NCAPG: variants seen among roughly 807,000 people sequenced by gnomAD.
NCAPG encodes condensin complex subunit 3.
NCAPG carries 69 observed loss-of-function variants against 113.1 expected under a neutral mutation model. The ratio of observed to expected loss-of-function variants is 0.61; its 90% CI spans 0.50 to 0.75. The LOEUF (loss-of-function observed/expected upper bound fraction) is 0.75, where lower values mean the gene tolerates loss of function less well. Among genes scored for constraint, NCAPG ranks in the 30% least tolerant of loss-of-function variants. The pLI, the probability that NCAPG is intolerant of heterozygous loss-of-function variation, is 0.00. For missense variants in NCAPG, 1,058 were observed against 1,177.0 expected, an observed-to-expected ratio of 0.90 and a Z score of 1.48; for synonymous variants, 370 against 415.8, an observed-to-expected ratio of 0.89 and a Z score of 1.34.
chr4:17,843,600 T>C lies in NCAPG; in HGVS notation c.*175T>C, dbSNP rs1722641276. 5.3e-6 allele frequency: 3 copies of C among 570,952 alleles called. No individual in the cohort carries two copies. Among genetic ancestry groups the C allele is most frequent in the East Asian group, 3.2e-5 (1 of 31,504 alleles). The allele number at this position is 570,952 out of a possible 1,614,324, so 35.4% of individuals were successfully genotyped here. On this transcript the variant is annotated 3_prime_UTR_variant, in exon 21 of 21. Coordinates refer to ENST00000251496, the MANE Select transcript of NCAPG (RefSeq NM_022346.5). ...AGCAGTAGAGCAGCATCAGTTATTATAGTCCAGAAAAAGTGTGCATCAGTC... is the reference window on the plus strand; with the variant it reads ...AGCAGTAGAGCAGCATCAGTTATTACAGTCCAGAAAAAGTGTGCATCAGTC...
chr4:17,828,448 T>A, intron 12 of NCAPG, 60 bp downstream of exon 12: 1 of 927,758 alleles, frequency 1.1e-6, no homozygotes, highest in Non-Finnish European at 1.7e-6. Context: ...TTGTAAGTGA[T>A]ATGTTCTTTA....
chr4:17,842,322 T>C lies in NCAPG; in HGVS notation c.2867T>C (p.Val956Ala). The C allele has an allele frequency of 6.2e-7, 1 of 1,611,946 alleles. No individual in the cohort carries two copies. Among genetic ancestry groups the C allele is most frequent in the Non-Finnish European group, 8.5e-7 (1 of 1,178,368 alleles). Reference sequence around the variant, plus strand: ...TACTATCTTCAAGGACAGAGAAAAGTGACAGTTTCAGCTAGGACGAACAGG... The same window carrying C: ...TACTATCTTCAAGGACAGAGAAAAGCGACAGTTTCAGCTAGGACGAACAGG... ...QLKTNRGQRK[V>A]TVSARTNRRC... is the part of the protein sequence containing the mutation. The change falls in exon 20 of 21, where the codon GTG (valine) becomes GCG (alanine). Residue 956 changes from valine to alanine, a missense_variant. Val to Ala is a moderately conservative substitution (Grantham distance 64). Transcript: ENST00000251496.
intron 16 of NCAPG, among the ~76,000 whole-genome samples, chr4:17,838,092 A>G (rs1722175998): frequency 6.6e-6 from 1 of 152,214 alleles, no homozygotes; most frequent in Non-Finnish European, 1.5e-5. Context: ...TATGTTATCT[A>G]GGACTCACAG....
intron 14 of NCAPG, among the ~76,000 whole-genome samples, chr4:17,835,583 T>C (rs749560389): frequency 1.2e-4 from 18 of 152,208 alleles, no homozygotes; most frequent in African/African-American, 1.9e-4. Context: ...ATTTAAAACA[T>C]TGTCATCATC....
At chr4:17,834,214 A>G (rs1721989818) in intron 13 of NCAPG, 85 bp from the exon 14 acceptor site, 1 of 885,330 alleles carries the variant, frequency 1.1e-6, no homozygotes, top group African/African-American at 1.7e-5. Flanking sequence ...CTAAGAAAAA[A>G]ACAAGATACA....
intron 14 of NCAPG, among the ~76,000 whole-genome samples, chr4:17,834,740 C>A (rs948349012): frequency 2.2e-4 from 34 of 152,268 alleles, no homozygotes; most frequent in African/African-American, 7.5e-4. Flanking sequence ...TCCCCTACCC[C>A]CCTATCCCCT....
chr4:17,814,391 C>T (rs1486697634), intron 3 of NCAPG, among the ~76,000 whole-genome samples: 1 of 152,016 alleles, frequency 6.6e-6, no homozygotes, highest in East Asian at 1.9e-4. Context: ...CATAGTGAGA[C>T]CTTGTCTCCA....
intron 5 of NCAPG, among the ~76,000 whole-genome samples, chr4:17,816,006 A>G (rs1427961089): frequency 6.6e-6 from 1 of 152,076 alleles, no homozygotes; most frequent in African/African-American, 2.4e-5. Flanking sequence ...TTTGGTATGA[A>G]TGTGTTCTGT....
At chr4:17,813,771 C>CT (rs1560221415) in intron 3 of NCAPG, among the ~76,000 whole-genome samples, 1 of 151,872 alleles carries the variant, frequency 6.6e-6, no homozygotes, top group Non-Finnish European at 1.5e-5. Context: ...TTTTTAATCT[C>CT]TTTTTTAAGG....
intron 12 of NCAPG, 78 bp from the exon 13 acceptor site, chr4:17,830,919 G>A: frequency 7.1e-7 from 1 of 1,411,094 alleles, no homozygotes; most frequent in Non-Finnish European, 9.7e-7. Context: ...AGTGAAAAAT[G>A]ACACCTTTGA....
At chr4:17,833,469 A>T (rs28619957) in intron 13 of NCAPG, among the ~76,000 whole-genome samples, 27,563 of 148,840 alleles carry the variant, frequency 0.19, 2,756 homozygotes, top group South Asian at 0.3. Flanking sequence ...AAAAAAAAAA[A>T]ATATATATAT....
chr4:17,813,521 C>A (rs576826793), intron 3 of NCAPG, among the ~76,000 whole-genome samples: 28 of 151,910 alleles, frequency 1.8e-4, no homozygotes, highest in Non-Finnish European at 3.5e-4. Context: ...CTATATAATA[C>A]CTGTTACTGT....
chr4:17,813,738 ATC>A (rs1721088218), intron 3 of NCAPG, among the ~76,000 whole-genome samples: 1 of 152,050 alleles, frequency 6.6e-6, no homozygotes, highest in Non-Finnish European at 1.5e-5. Context: ...AAAAATATAA[ATC>A]TCTGCCATTA....
Position 17,815,123 on chromosome 4 carries a change from G to A in NCAPG, c.690+125G>A, listed in dbSNP as rs1721150337. 15 of 1,310,426 alleles carry A rather than the reference G, an allele frequency of 1.1e-5. No homozygotes were observed. The South Asian group carries it at 2.0e-4, about 17-fold the overall frequency. The allele number at this position is 1,310,426 out of a possible 1,614,324, so 81.2% of individuals were successfully genotyped here. ...CAGTTGAGGTTTTATGGAGAACACA[G>A]GTAATTTAGGTAGAATCTTACTGTA... On this transcript the variant is annotated intron_variant, in intron 4 of 20. Coordinates refer to ENST00000251496, the MANE Select transcript of NCAPG (RefSeq NM_022346.5).
In NCAPG at chr4:17,817,391, T is replaced by G; in HGVS notation, c.906T>G (p.Asn302Lys). ...CTGAAGTGGCAGTCTCTGTTCTCAA[T>G]GCCTTGTTTTCAATAACTCCTCTCA... ...NSSEVAVSVL[N>K]ALFSITPLSE... The change falls in exon 6 of 21, where the codon AAT becomes AAG. Residue 302 changes from asparagine (N) to lysine (K), a missense_variant. By Grantham distance (94) the Asn-to-Lys change is moderately conservative. Transcript: ENST00000251496. 1 of 1,614,158 alleles carries G rather than the reference T, an allele frequency of 6.2e-7. No individual in the cohort carries two copies. Among genetic ancestry groups the G allele is most frequent in the South Asian group, 1.1e-5 (1 of 91,086 alleles).
At chr4:17,839,565 T>C in intron 16 of NCAPG, 111 bp from the exon 17 acceptor site, 2 of 771,614 alleles carry the variant, frequency 2.6e-6, no homozygotes, top group South Asian at 7.7e-5. Context: ...AGACATTTTA[T>C]ATTTGGGATT....
chr4:17,830,553 CT>C lies in NCAPG; in HGVS notation c.1765-428del, dbSNP rs770223582. ...GTTAAATATATTAAGACTAGTTTCA[CT>C]TTTTTTTTTTTTTTTACTTCAATGT... On this transcript the variant is annotated intron_variant, in intron 12 of 20. Transcript: ENST00000251496. Among the ~76,000 whole-genome samples, 723 of 137,160 alleles carry C rather than the reference CT, an allele frequency of 5.3e-3. 3 individuals carry two copies. Among genetic ancestry groups the C allele is most frequent in the African/African-American group, 9.6e-3 (351 of 36,678 alleles). The allele number at this position is 137,160 out of a possible 152,430, so 90.0% of individuals were successfully genotyped here. A position where few individuals can be genotyped will look rare whatever the true frequency, so the allele number is the denominator to read the frequency against.
At chr4:17,820,820 AAG>A (rs1420430964) in intron 7 of NCAPG, among the ~76,000 whole-genome samples, 1 of 152,220 alleles carries the variant, frequency 6.6e-6, no homozygotes, top group Non-Finnish European at 1.5e-5. Flanking sequence ...TTCAATGACT[AAG>A]AACTCTGATG....
intron 7 of NCAPG, among the ~76,000 whole-genome samples, chr4:17,819,003 A>G (rs1721335566): frequency 6.6e-6 from 1 of 152,234 alleles, no homozygotes; most frequent in Non-Finnish European, 1.5e-5. Context: ...ACTAAACAAT[A>G]TAGGGTGTAT....
Sources: allele counts gnomAD v4.1 joint callset (sites outside exome capture counted in the v4.1 genomes callset), GRCh38; gene constraint gnomAD v4.1.1; transcripts MANE v1.5; gene names NCBI Gene and HGNC (gene_info 2026-07-23, HGNC 2026-07-21).